The following MACROD2 variants were observed in gnomAD, a reference collection of about 807,000 sequenced individuals.
The protein encoded by MACROD2 is mono-ADP ribosylhydrolase 2.
A neutral mutation model predicts 70.4 loss-of-function variants in MACROD2; 36 were observed. That is an observed-to-expected ratio of 0.51 (90% CI 0.39 to 0.68). MACROD2 has a LOEUF of 0.68. MACROD2 is among the 30% of genes least tolerant of loss of function. The pLI is 0.00. For synonymous variants in MACROD2, 172 were observed against 178.8 expected (o/e 0.96, Z 0.30); for missense variants, 496 against 538.4 (o/e 0.92, Z 0.78).
intron 6 of MACROD2, among the ~76,000 whole-genome samples, chr20:15,296,081 T>G (rs1205211740): frequency 6.6e-6 from 1 of 152,222 alleles, no homozygotes; most frequent in East Asian, 1.9e-4. Context: ...CTTTCTCTAA[T>G]AAATGTGCCT....
chr20:14,656,481 AT>A (rs1262991515), intron 4 of MACROD2, among the ~76,000 whole-genome samples: 2 of 152,244 alleles, frequency 1.3e-5, no homozygotes, highest in African/African-American at 4.8e-5. Context: ...CAATGGATGT[AT>A]CCTAGTTCAT....
intron 6 of MACROD2, among the ~76,000 whole-genome samples, chr20:15,313,577 T>C (rs2077777178): frequency 6.6e-6 from 1 of 151,554 alleles, no homozygotes; most frequent in Non-Finnish European, 1.5e-5. Flanking sequence ...ATGTGTGGAA[T>C]GTTTCTCTTC....
At chr20:15,297,250 A>G (rs1221213151) in intron 6 of MACROD2, among the ~76,000 whole-genome samples, 1 of 152,174 alleles carries the variant, frequency 6.6e-6, no homozygotes, top group Non-Finnish European at 1.5e-5. Flanking sequence ...ACTCACCCAA[A>G]TAAGTGCTGA....
At chr20:16,033,478 G>A (rs1256713477) in intron 15 of MACROD2, among the ~76,000 whole-genome samples, 1 of 152,114 alleles carries the variant, frequency 6.6e-6, no homozygotes, top group African/African-American at 2.4e-5. Context: ...GGAGGGATAT[G>A]TGGTAAATTA....
At chr20:14,915,891 T>C (rs764081420) in intron 5 of MACROD2, among the ~76,000 whole-genome samples, 19 of 151,938 alleles carry the variant, frequency 1.3e-4, no homozygotes, top group Non-Finnish European at 2.6e-4. Flanking sequence ...CTGATGGAGG[T>C]TTGGCAAAGT....
chr20:14,772,693 G>A (rs778623907), intron 5 of MACROD2, among the ~76,000 whole-genome samples: 3 of 152,024 alleles, frequency 2.0e-5, no homozygotes, highest in Non-Finnish European at 2.9e-5. Context: ...TACACAAAAG[G>A]TGTTGCTAAA....
intron 15 of MACROD2, among the ~76,000 whole-genome samples, chr20:16,015,820 C>T (rs2037846597): frequency 6.6e-6 from 1 of 152,090 alleles, no homozygotes; most frequent in Admixed American, 6.5e-5. Flanking sequence ...TGGTTATTCA[C>T]TGCTATTTTT....
chr20:16,028,021 T>C (rs1226480269), intron 15 of MACROD2, among the ~76,000 whole-genome samples: 1 of 152,144 alleles, frequency 6.6e-6, no homozygotes, highest in Non-Finnish European at 1.5e-5. Context: ...GCCAGACATG[T>C]GGAATGTGAT....
At chr20:14,438,829 G>T (rs756118198) in intron 3 of MACROD2, among the ~76,000 whole-genome samples, 9 of 152,024 alleles carry the variant, frequency 5.9e-5, no homozygotes, top group Non-Finnish European at 1.0e-4. Flanking sequence ...TCTGTTGCAG[G>T]GTTTACAGTT....
At chr20:14,378,479 C>G (rs1443941332) in intron 3 of MACROD2, among the ~76,000 whole-genome samples, 1 of 152,142 alleles carries the variant, frequency 6.6e-6, no homozygotes, top group East Asian at 1.9e-4. Context: ...GAGGGGCCAC[C>G]CCAGCTCAGA....
At chr20:15,004,731 G>A (rs557341417) in intron 5 of MACROD2, among the ~76,000 whole-genome samples, 1 of 152,240 alleles carries the variant, frequency 6.6e-6, no homozygotes, top group East Asian at 1.9e-4. Context: ...GATAAAAATG[G>A]AAACTATGTG....
chr20:15,793,359 T>C (rs1383282475), intron 8 of MACROD2, among the ~76,000 whole-genome samples: 1 of 152,202 alleles, frequency 6.6e-6, no homozygotes, highest in Non-Finnish European at 1.5e-5. Context: ...CTGCTGCCTC[T>C]GTTCCAGGCA....
At chr20:15,900,816 TG>T (rs2065052646) in intron 10 of MACROD2, among the ~76,000 whole-genome samples, 1 of 152,210 alleles carries the variant, frequency 6.6e-6, no homozygotes, top group African/African-American at 2.4e-5. Flanking sequence ...GTCCATGTTC[TG>T]CTTCCTACTT....
At chr20:15,171,925 A>G (rs552479667) in intron 5 of MACROD2, among the ~76,000 whole-genome samples, 1 of 152,360 alleles carries the variant, frequency 6.6e-6, no homozygotes, top group East Asian at 1.9e-4. Context: ...TACCTTGCAC[A>G]TGGAAGGTGC....
chr20:15,128,974 G>A (rs1226797694), intron 5 of MACROD2, among the ~76,000 whole-genome samples: 1 of 151,754 alleles, frequency 6.6e-6, no homozygotes, highest in Non-Finnish European at 1.5e-5. Flanking sequence ...TCTTGTTTGT[G>A]GAGTTGGGTA....
intron 5 of MACROD2, among the ~76,000 whole-genome samples, chr20:15,099,727 C>G (rs1305140656): frequency 6.6e-6 from 1 of 152,030 alleles, no homozygotes; most frequent in Non-Finnish European, 1.5e-5. Context: ...CTAGAAAAAG[C>G]TGAGCTTGCC....
chr20:15,422,555 G>A (rs578092281), intron 6 of MACROD2, among the ~76,000 whole-genome samples: 1 of 152,198 alleles, frequency 6.6e-6, no homozygotes, highest in African/African-American at 2.4e-5. Flanking sequence ...TTTGATCACA[G>A]GCTTGTTCAT....
intron 8 of MACROD2, among the ~76,000 whole-genome samples, chr20:15,675,400 C>A (rs1000298245): frequency 2.0e-4 from 31 of 152,184 alleles, no homozygotes; most frequent in African/African-American, 7.0e-4. Context: ...GTAATAGCTA[C>A]AATACCCAGA....
At chr20:14,452,457 C>G (rs1248178649) in intron 3 of MACROD2, among the ~76,000 whole-genome samples, 1 of 151,930 alleles carries the variant, frequency 6.6e-6, no homozygotes, top group African/African-American at 2.4e-5. Context: ...TTTCATTATA[C>G]CAAATAAATT....
Sources: allele counts gnomAD v4.1 joint callset (sites outside exome capture counted in the v4.1 genomes callset), GRCh38; gene constraint gnomAD v4.1.1; transcripts MANE v1.5; gene names NCBI Gene and HGNC (gene_info 2026-07-23, HGNC 2026-07-21).